Variants in EIF2A observed in about 807,000 individuals in gnomAD.
EIF2A encodes 65 kDa eukaryotic translation initiation factor 2A.
EIF2A carries 62 observed loss-of-function variants against 75.2 expected under a neutral mutation model. The ratio of observed to expected loss-of-function variants is 0.82; its 90% CI spans 0.67 to 1.02. The LOEUF is 1.02. Ranked by LOEUF, EIF2A falls within the 50% of genes least tolerant of loss-of-function variation. The pLI, the probability that EIF2A is intolerant of heterozygous loss-of-function variation, is 0.00. For synonymous variants in EIF2A, 207 were observed against 239.0 expected (o/e 0.87, Z 1.23); for missense variants, 611 against 677.7 (o/e 0.90, Z 1.09).
At chr3:150,565,414 G>C (rs952519660) in intron 6 of EIF2A, among the ~76,000 whole-genome samples, 1 of 152,092 alleles carries the variant, frequency 6.6e-6, no homozygotes, top group Admixed American at 6.6e-5. Context: ...TTTTTCAGCT[G>C]TACTGCTTCT....
At chr3:150,549,133 T>G (rs1245966323) in intron 1 of EIF2A, among the ~76,000 whole-genome samples, 2 of 152,052 alleles carry the variant, frequency 1.3e-5, no homozygotes, top group Non-Finnish European at 2.9e-5. Flanking sequence ...ATTTTTTTTT[T>G]TAAACTCGTA....
chr3:150,558,312 G>A (rs1023162478), intron 2 of EIF2A, 76 bp from the exon 3 acceptor site: 1 of 1,277,754 alleles, frequency 7.8e-7, no homozygotes, highest in African/African-American at 1.6e-5. Context: ...TAGTGAAATG[G>A]TTGACTTTAT....
chr3:150,553,059 G>A (rs1248189812), intron 2 of EIF2A, among the ~76,000 whole-genome samples: 2 of 152,134 alleles, frequency 1.3e-5, no homozygotes, highest in East Asian at 1.9e-4. Context: ...GCTCACGCCT[G>A]TAATCCCAGC....
rs1335438561 is a variant in EIF2A at position 150,584,101 on chromosome 3, T to C, written c.*190T>C. 2 of 525,622 alleles carry C rather than the reference T, an allele frequency of 3.8e-6. No individual in the cohort carries two copies. The highest frequency in any genetic ancestry group is 6.6e-6 in the Non-Finnish European group (2 of 304,206). 32.6% of individuals were successfully genotyped at this position (525,622 alleles called of 1,614,324 possible). Reference sequence around the variant, plus strand: ...ATTAAATTGATATTTATATCTTGCATCCTATATCATGTCAATATGTGATAT... The same window carrying C: ...ATTAAATTGATATTTATATCTTGCACCCTATATCATGTCAATATGTGATAT... On this transcript the variant is annotated 3_prime_UTR_variant, in exon 14 of 14. Coordinates refer to ENST00000460851, the MANE Select transcript of EIF2A (RefSeq NM_032025.5).
intron 1 of EIF2A, among the ~76,000 whole-genome samples, chr3:150,549,813 G>T (rs1178821672): frequency 6.6e-6 from 1 of 152,140 alleles, no homozygotes; most frequent in African/African-American, 2.4e-5. Flanking sequence ...AAACAGCAAT[G>T]TCCATTACGT....
chr3:150,559,342 A>AT (rs1248676679), intron 3 of EIF2A, among the ~76,000 whole-genome samples: 2 of 152,100 alleles, frequency 1.3e-5, no homozygotes, highest in African/African-American at 2.4e-5. Context: ...TAATTAAAAA[A>AT]AATTGGTCTT....
At chr3:150,566,267 A>T (rs1576596805) in intron 6 of EIF2A, 2 of 152,240 alleles carry the variant, frequency 1.3e-5, no homozygotes, top group East Asian at 3.9e-4. Flanking sequence ...TACATTTCTA[A>T]CCATTACACC....
At chr3:150,565,898 C>G (rs1274529736) in intron 6 of EIF2A, 1 of 147,108 alleles carries the variant, frequency 6.8e-6, no homozygotes, top group East Asian at 2.0e-4. Context: ...CAGGTTCAAG[C>G]GATTCTCCTG....
At chr3:150,556,110 A>G (rs529624017) in intron 2 of EIF2A, among the ~76,000 whole-genome samples, 2 of 152,304 alleles carry the variant, frequency 1.3e-5, no homozygotes, top group Non-Finnish European at 2.9e-5. Flanking sequence ...AACTCTGCAG[A>G]TTCAAAGACA....
chr3:150,558,560 C>G, intron 3 of EIF2A, 98 bp downstream of exon 3: 1 of 1,099,510 alleles, frequency 9.1e-7, no homozygotes, highest in Non-Finnish European at 1.2e-6. Flanking sequence ...TAATAAAATC[C>G]GTCTTTTAAT....
intron 11 of EIF2A, among the ~76,000 whole-genome samples, chr3:150,581,334 T>A (rs1477588659): frequency 1.3e-5 from 2 of 152,164 alleles, no homozygotes; most frequent in Non-Finnish European, 2.9e-5. Context: ...AGCCCTCTCA[T>A]ATGTTCAAAC....
Position 150,575,824 on chromosome 3 carries a change from C to A in EIF2A, c.1497+62C>A, listed in dbSNP as rs987371958. On this transcript the variant is annotated intron_variant, in intron 11 of 13. Transcript: ENST00000460851. ...TCAGTTATGGCCGGGCGCAGTGGCT[C>A]ACGCCCGTAATCCCAGCACTTTGGG... 1.0e-5 allele frequency: 14 copies of A among 1,398,330 alleles called. No homozygotes were observed. In the African/African-American group the frequency reaches 1.3e-4, roughly 13 times the overall value. The allele number at this position is 1,398,330 out of a possible 1,614,324, so 86.6% of individuals were successfully genotyped here. A position where few individuals can be genotyped will look rare whatever the true frequency, so the allele number is the denominator to read the frequency against.
In EIF2A at chr3:150,584,170, A is replaced by G. The variant is rs1307480789; in HGVS notation, c.*259A>G. On this transcript the variant is annotated 3_prime_UTR_variant, in exon 14 of 14. Transcript: ENST00000460851. ...TTTTTTAGCTAAGCTTGACAGATTG[A>G]AAGACAAGTGTCATTTTTTTTTGTA... 5 of 334,646 alleles carry G rather than the reference A, an allele frequency of 1.5e-5. No individual in the cohort carries two copies. Among genetic ancestry groups the G allele is most frequent in the Non-Finnish European group, 2.7e-5 (5 of 186,384 alleles). 20.7% of individuals were successfully genotyped at this position (334,646 alleles called of 1,614,324 possible). A position where few individuals can be genotyped will look rare whatever the true frequency, so the allele number is the denominator to read the frequency against.
chr3:150,568,360 G>T, intron 9 of EIF2A, 68 bp downstream of exon 9: 1 of 1,202,778 alleles, frequency 8.3e-7, no homozygotes, highest in Non-Finnish European at 1.1e-6. Flanking sequence ...CCATAAAGAT[G>T]ATATAATCTA....
Position 150,562,625 on chromosome 3 carries a change from A to G in EIF2A, c.257A>G (p.Lys86Arg). Residue 86 changes from lysine (K) to arginine (R), a missense_variant, in exon 4 of 14, where the codon AAA (lysine) becomes AGA (arginine). By Grantham distance (26) the Lys-to-Arg change is conservative (BLOSUM62 2). Coordinates refer to ENST00000460851, the MANE Select transcript of EIF2A (RefSeq NM_032025.5). ...GCAGTTTGCCTTGAATTCTCACCCA[A>G]AAATACTGTCCTGGCAACGTGGCAG... is the stretch of plus-strand genomic sequence containing the variant. ...LKAVCLEFSP[K>R]NTVLATWQPY... The G allele has an allele frequency of 6.2e-7, 1 of 1,613,480 alleles. No individual in the cohort carries two copies. Among genetic ancestry groups the G allele is most frequent in the Non-Finnish European group, 8.5e-7 (1 of 1,179,612 alleles).
rs1176231663 is a variant in EIF2A at position 150,550,522 on chromosome 3, A to G, written c.29-1834A>G. On this transcript the variant is annotated intron_variant, in intron 1 of 13. Coordinates refer to ENST00000460851, the MANE Select transcript of EIF2A (RefSeq NM_032025.5). Reference sequence around the variant, plus strand: ...TTTATTAAATTTATTTAATAGAAAAACTAATTAAATCTAGCAAGGCATCTT... The same window carrying G: ...TTTATTAAATTTATTTAATAGAAAAGCTAATTAAATCTAGCAAGGCATCTT... Among the ~76,000 whole-genome samples, 3 of 152,186 alleles carry G rather than the reference A, an allele frequency of 2.0e-5. No individual in the cohort carries two copies. In the East Asian group the frequency reaches 5.8e-4, roughly 29 times the overall value.
rs3086798 is a variant in EIF2A, at chr3:150,585,517, TCACA to T, written c.*1615_*1618del. ...CCTGGGCAACAAGAGTGAAACCGTC[TCACA>T]CACACACAAAAAAAAATATTTTGGA... On this transcript the variant is annotated 3_prime_UTR_variant, in exon 14 of 14. Transcript: ENST00000460851. 20,783 of 106,672 alleles carry T rather than the reference TCACA, an allele frequency of 0.19. 1,478 individuals are homozygous for T. Among genetic ancestry groups the T allele is most frequent in the Non-Finnish European group, 0.22 (10,862 of 48,440 alleles). 6.6% of individuals were successfully genotyped at this position (106,672 alleles called of 1,614,324 possible). A position where few individuals can be genotyped will look rare whatever the true frequency, so the allele number is the denominator to read the frequency against.
intron 3 of EIF2A, among the ~76,000 whole-genome samples, 178 bp from the exon 4 acceptor site, chr3:150,562,364 G>A (rs1251726519): frequency 6.6e-6 from 1 of 151,692 alleles, no homozygotes; most frequent in African/African-American, 2.4e-5. Context: ...GGAGCTTGCA[G>A]TGAGCCGAGA....
At position 150,585,625 on chromosome 3, in the gene EIF2A, A is replaced by C. The variant is rs779656997; in HGVS notation, c.*1714A>C. 6.6e-6 allele frequency: 1 copy of C among 152,246 alleles called. No individual in the cohort carries two copies. The highest frequency in any genetic ancestry group is 1.5e-5 in the Non-Finnish European group (1 of 68,044). The allele number at this position is 152,246 out of a possible 1,614,324, so 9.4% of individuals were successfully genotyped here. On this transcript the variant is annotated 3_prime_UTR_variant, in exon 14 of 14. Coordinates refer to ENST00000460851, the MANE Select transcript of EIF2A (RefSeq NM_032025.5). ...TTTGTTTCTCTGGAAAACCCTGACT[A>C]ATACAGATTAGCTATGTATTAGGTA...
Sources: allele counts gnomAD v4.1 joint callset (sites outside exome capture counted in the v4.1 genomes callset), GRCh38; gene constraint gnomAD v4.1.1; transcripts MANE v1.5; gene names NCBI Gene and HGNC (gene_info 2026-07-23, HGNC 2026-07-21).